TRIM37: variants seen among roughly 807,000 people sequenced by gnomAD.
TRIM37 encodes E3 ubiquitin-protein ligase TRIM37.
Under a neutral mutation model 129.8 loss-of-function variants are expected in TRIM37, and 80 were observed. The observed-to-expected ratio is 0.62, with a 90% CI of 0.51 to 0.74. TRIM37 has a LOEUF of 0.74. Ranked by LOEUF, TRIM37 falls within the 30% of genes least tolerant of loss-of-function variation. The pLI, the probability that TRIM37 is intolerant of heterozygous loss-of-function variation, is 0.00. For missense variants in TRIM37, 1,054 were observed against 1,176.5 expected, an observed-to-expected ratio of 0.90 and a Z score of 1.52; for synonymous variants, 389 against 387.1, an observed-to-expected ratio of 1.00 and a Z score of -0.06.
chr17:59,027,303 A>T (rs1208026489), intron 19 of TRIM37, among the ~76,000 whole-genome samples: 1 of 152,210 alleles, frequency 6.6e-6, no homozygotes, highest in African/African-American at 2.4e-5. Flanking sequence ...ACCACTGCCT[A>T]TTAAGTTGCT....
chr17:59,104,198 G>T (rs1211253901), intron 2 of TRIM37, 95 bp downstream of exon 2: 1 of 1,269,938 alleles, frequency 7.9e-7, no homozygotes, highest in Non-Finnish European at 1.1e-6. Context: ...AGCACTTTAG[G>T]GCAAAAAATG....
At chr17:59,051,770 G>A (rs1299409006) in intron 13 of TRIM37, among the ~76,000 whole-genome samples, 6 of 149,842 alleles carry the variant, frequency 4.0e-5, no homozygotes, top group African/African-American at 1.5e-4. Flanking sequence ...TCGCTCTGTC[G>A]CCCAGGCTGG....
rs187667761 is a variant in TRIM37 at position 59,016,275 on chromosome 17, T to C, written c.2387-476A>G. Among the ~76,000 whole-genome samples, 7 of 150,450 alleles carry C rather than the reference T, an allele frequency of 4.7e-5. No homozygotes were observed. The East Asian group carries it at 1.4e-3, about 30-fold the overall frequency. ...CAGGCGTGGTGGCGTGCACTTGTAG[T>C]CCCAGTTACTCAGGAGACTGAGGCA... On this transcript the variant is annotated intron_variant, in intron 20 of 23. Coordinates refer to ENST00000262294, the MANE Select transcript of TRIM37 (RefSeq NM_015294.6).
rs138861038 is a variant in TRIM37 at position 59,088,307 on chromosome 17, C to A, written c.265G>T (p.Glu89Ter). ...LQLCSLTKHE[E>*]NEKDKCENHH... ...AGGACATACTTGTCCTTTTCATTTT[C>A]TTCATGTTTGGTGAGACTGCAGAGT... Residue 89 changes from glutamate (E) to a stop codon, truncating the protein, a stop_gained, in exon 4 of 24, where the codon GAA becomes TAA. Coordinates refer to ENST00000262294, the MANE Select transcript of TRIM37 (RefSeq NM_015294.6). LOFTEE classifies it high-confidence loss of function. 24 of 1,611,272 alleles carry A rather than the reference C, an allele frequency of 1.5e-5. No homozygotes were observed. Among genetic ancestry groups the A allele is most frequent in the Non-Finnish European group, 1.9e-5 (22 of 1,177,906 alleles).
chr17:58,996,122 A>ACAGACACCATCTTAAC (rs1474121598), downstream of TRIM37, among the ~76,000 whole-genome samples: 1 of 152,164 alleles, frequency 6.6e-6, no homozygotes, highest in African/African-American at 2.4e-5. Flanking sequence ...GGAAATCCTC[A>ACAGACACCATCTTAAC]CAGACACCAT....
chr17:58,988,882 A>G (rs1261804872), intron 24 of TRIM37, among the ~76,000 whole-genome samples: 2 of 152,230 alleles, frequency 1.3e-5, no homozygotes, highest in Non-Finnish European at 2.9e-5. Flanking sequence ...TTAGATTGGC[A>G]TAAAAGTAAT....
At chr17:59,085,094 G>A (rs938501474) in intron 4 of TRIM37, among the ~76,000 whole-genome samples, 3 of 152,160 alleles carry the variant, frequency 2.0e-5, no homozygotes, top group Non-Finnish European at 4.4e-5. Context: ...GGAGGCCAAG[G>A]CGGGTGGAAC....
intron 24 of TRIM37, among the ~76,000 whole-genome samples, chr17:58,992,624 C>T (rs2032562972): frequency 6.6e-6 from 1 of 152,132 alleles, no homozygotes; most frequent in Non-Finnish European, 1.5e-5. Context: ...AGGTAATCTG[C>T]CTTCCTCGGC....
chr17:59,089,034 G>A (rs2044036779), intron 3 of TRIM37, among the ~76,000 whole-genome samples: 1 of 152,146 alleles, frequency 6.6e-6, no homozygotes, highest in Admixed American at 6.5e-5. Context: ...GGCTGAGGCA[G>A]GTAGATTGCT....
chr17:59,053,619 T>C (rs1337864244), intron 13 of TRIM37, among the ~76,000 whole-genome samples: 3 of 152,128 alleles, frequency 2.0e-5, no homozygotes, highest in Non-Finnish European at 4.4e-5. Context: ...GTAACGCTAA[T>C]AAGGATGAAA....
In TRIM37 at chr17:59,075,521, G is replaced by C. The variant is rs988885269; in HGVS notation, c.684+126C>G. ...GGAGTTTACAGTGAGCCGAGATCGCGCCACTGCACTCCAGCCTGGGCGACA... is the reference window on the plus strand; with the variant it reads ...GGAGTTTACAGTGAGCCGAGATCGCCCCACTGCACTCCAGCCTGGGCGACA... On this transcript the variant is annotated intron_variant, in intron 8 of 23. Coordinates refer to ENST00000262294, the MANE Select transcript of TRIM37 (RefSeq NM_015294.6). The C allele has an allele frequency of 2.8e-5, 18 of 638,962 alleles. No individual in the cohort carries two copies. In the African/African-American group the frequency reaches 3.6e-4, roughly 13 times the overall value. 39.6% of individuals were successfully genotyped at this position (638,962 alleles called of 1,614,324 possible). A position where few individuals can be genotyped will look rare whatever the true frequency, so the allele number is the denominator to read the frequency against.
intron 2 of TRIM37, among the ~76,000 whole-genome samples, chr17:59,099,702 G>A (rs1464662871): frequency 6.6e-6 from 1 of 152,136 alleles, no homozygotes; most frequent in African/African-American, 2.4e-5. Context: ...CCCTGAGAAT[G>A]GCTAAAATTC....
intron 9 of TRIM37, among the ~76,000 whole-genome samples, chr17:59,069,176 G>A (rs532271792): frequency 6.5e-4 from 99 of 151,814 alleles, no homozygotes; most frequent in Non-Finnish European, 1.0e-3. Flanking sequence ...GAGAAACCCC[G>A]TCTCTACTAA....
At chr17:58,992,402 C>CG (rs1184133957) in intron 24 of TRIM37, among the ~76,000 whole-genome samples, 1 of 150,398 alleles carries the variant, frequency 6.6e-6, no homozygotes, top group Non-Finnish European at 1.5e-5. Flanking sequence ...AGTTTTGAGA[C>CG]GGAGTTTCAC....
At chr17:58,967,944 C>G in the TRIM37 span, among the ~76,000 whole-genome samples, 1 of 152,028 alleles carries the variant, frequency 6.6e-6, no homozygotes, top group Non-Finnish European at 1.5e-5. Context: ...GCTGGGAGTA[C>G]AGGCGCGTGC....
chr17:59,079,869 A>C lies in TRIM37; in HGVS notation c.501T>G (p.Asn167Lys). 6.2e-7 allele frequency: 1 copy of C among 1,613,942 alleles called. No individual in the cohort carries two copies. Among genetic ancestry groups the C allele is most frequent in the South Asian group, 1.1e-5 (1 of 91,086 alleles). Reference sequence around the variant, plus strand: ...CTTTTGCATTTCTTACAGCTTCTACATTCCTTTCCTAGAAGATAAAGAGGT... The same window carrying C: ...CTTTTGCATTTCTTACAGCTTCTACCTTCCTTTCCTAGAAGATAAAGAGGT... ...LISLVQEVERNVEAVRNAKDE... is the reference protein window; with the variant it reads ...LISLVQEVERKVEAVRNAKDE... The change falls in exon 7 of 24, where the codon AAT becomes AAG. Residue 167 changes from asparagine to lysine, a missense_variant. Asn to Lys is a moderately conservative substitution (Grantham distance 94). Transcript: ENST00000262294.
chr17:59,101,196 C>A (rs1463653596), intron 2 of TRIM37, among the ~76,000 whole-genome samples: 1 of 152,138 alleles, frequency 6.6e-6, no homozygotes, highest in Non-Finnish European at 1.5e-5. Context: ...GGAACCAAGA[C>A]AGCCCTAGAA....
In TRIM37 at chr17:59,047,675, A is replaced by C. The variant is rs375918630; in HGVS notation, c.1667+8T>G. The stretch of plus-strand genomic sequence containing the variant: ...AAATGCTTTACAGTAGTAAAGTGGG[A>C]AACTCACATAGTTTCTTCATCAATA... On this transcript the variant is annotated splice_region_variant and intron_variant, in intron 16 of 23. Coordinates refer to ENST00000262294, the MANE Select transcript of TRIM37 (RefSeq NM_015294.6). 7 of 1,611,950 alleles carry C rather than the reference A, an allele frequency of 4.3e-6. No individual in the cohort carries two copies. In the African/African-American group the frequency reaches 8.0e-5, roughly 18 times the overall value.
At chr17:58,972,077 G>T in the TRIM37 span, 160 of 1,528,786 alleles carry the variant, frequency 1.0e-4, no homozygotes, top group Non-Finnish European at 1.4e-4. Context: ...TTCTCAATAA[G>T]AATGTAGTAT....
Sources: gnomAD v4.1 joint callset for allele counts (sites outside exome capture counted in the v4.1 genomes callset) on GRCh38, gnomAD v4.1.1 for gene constraint, MANE v1.5 for transcripts, NCBI Gene and HGNC (gene_info 2026-07-23, HGNC 2026-07-21) for gene names.